Variants in GALNT13 observed in about 807,000 individuals in gnomAD.
The protein encoded by GALNT13 is polypeptide N-acetylgalactosaminyltransferase 13.
In GALNT13, 28 loss-of-function variants were observed where a neutral mutation model predicts 64.2. The ratio of observed to expected loss-of-function variants is 0.44; its 90% CI spans 0.32 to 0.60. The LOEUF is 0.60. Ranked by LOEUF, GALNT13 falls within the 20% of genes least tolerant of loss-of-function variation. GALNT13 has a pLI of 0.05. For missense variants in GALNT13, 577 were observed against 669.8 expected, an observed-to-expected ratio of 0.86 and a Z score of 1.53; for synonymous variants, 214 against 224.6, an observed-to-expected ratio of 0.95 and a Z score of 0.42.
At chr2:154,204,809 G>A (rs1033493334) in intron 4 of GALNT13, among the ~76,000 whole-genome samples, 2 of 152,064 alleles carry the variant, frequency 1.3e-5, no homozygotes, top group African/African-American at 2.4e-5. Flanking sequence ...CCATGCCTTC[G>A]CCAGTACTAG....
intron 9 of GALNT13, among the ~76,000 whole-genome samples, chr2:154,347,667 G>C (rs943115894): frequency 6.6e-6 from 1 of 152,172 alleles, no homozygotes; most frequent in Non-Finnish European, 1.5e-5. Flanking sequence ...AACTTGAAAT[G>C]ATGGACAAAG....
intron 3 of GALNT13, among the ~76,000 whole-genome samples, chr2:154,039,874 GC>G (rs1477089342): frequency 7.1e-6 from 1 of 140,008 alleles, no homozygotes. Context: ...GATATTGTAT[GC>G]TCCATATATA....
chr2:153,099,728 A>G, the GALNT13 span, among the ~76,000 whole-genome samples: 31 of 152,120 alleles, frequency 2.0e-4, no homozygotes, highest in Non-Finnish European at 3.8e-4. Context: ...GTTCTTATGG[A>G]TGTATCTCTT....
At chr2:153,629,577 C>G in the GALNT13 span, among the ~76,000 whole-genome samples, 1 of 152,180 alleles carries the variant, frequency 6.6e-6, no homozygotes, top group Non-Finnish European at 1.5e-5. Flanking sequence ...CCATTCAGGA[C>G]ATAGGCATGG....
chr2:153,142,510 GGTATAACGT>G, the GALNT13 span, among the ~76,000 whole-genome samples: 17 of 151,900 alleles, frequency 1.1e-4, no homozygotes, highest in African/African-American at 4.1e-4. Flanking sequence ...GTTCTACTGT[GGTATAACGT>G]ATATTATCTT....
chr2:154,128,452 G>A (rs1168476768), intron 3 of GALNT13, among the ~76,000 whole-genome samples: 4 of 151,896 alleles, frequency 2.6e-5, no homozygotes, highest in Non-Finnish European at 5.9e-5. Flanking sequence ...TTAGTATCCT[G>A]GTTCTTTTTA....
chr2:153,413,749 A>G, the GALNT13 span, among the ~76,000 whole-genome samples: 5 of 152,192 alleles, frequency 3.3e-5, no homozygotes, highest in Admixed American at 2.6e-4. Context: ...GTTTGTAGAA[A>G]AAGGTCATTT....
rs542247404 is a variant in GALNT13 at position 154,068,525 on chromosome 2, T to G, written c.143-71812T>G. 5.5e-5 allele frequency among the ~76,000 whole-genome samples: 8 copies of G among 145,124 alleles called. No individual in the cohort carries two copies. In the South Asian group the frequency reaches 1.7e-3, roughly 31 times the overall value. On this transcript the variant is annotated intron_variant, in intron 3 of 12. Coordinates refer to ENST00000392825, the MANE Select transcript of GALNT13 (RefSeq NM_052917.4). Reference sequence around the variant, plus strand: ...GGTATATATACACAAAGGAGTAATATTCATCCATAAAAAAAAGAGTGAGAT... The same window carrying G: ...GGTATATATACACAAAGGAGTAATAGTCATCCATAAAAAAAAGAGTGAGAT...
intron 11 of GALNT13, among the ~76,000 whole-genome samples, chr2:154,415,432 T>A (rs980703012): frequency 3.3e-5 from 5 of 152,132 alleles, no homozygotes; most frequent in Non-Finnish European, 7.4e-5. Context: ...AGCCACTCAT[T>A]TGAAGACAGC....
intron 9 of GALNT13, among the ~76,000 whole-genome samples, chr2:154,306,158 T>G (rs1693719174): frequency 6.6e-6 from 1 of 151,988 alleles, no homozygotes; most frequent in Admixed American, 6.6e-5. Context: ...ATTATTATTA[T>G]TATTATTTTA....
At chr2:153,139,931 T>G in the GALNT13 span, among the ~76,000 whole-genome samples, 6 of 152,056 alleles carry the variant, frequency 3.9e-5, no homozygotes, top group Admixed American at 3.9e-4. Context: ...GAAGCTCTCA[T>G]AAATAGGAGT....
the GALNT13 span, among the ~76,000 whole-genome samples, chr2:153,394,097 G>A: frequency 1.5e-4 from 23 of 151,916 alleles, no homozygotes; most frequent in Admixed American, 1.4e-3. Context: ...GTTCCAAGTG[G>A]AAGCTTCAAG....
chr2:154,220,817 T>G (rs1208644363), intron 4 of GALNT13, among the ~76,000 whole-genome samples: 3 of 152,056 alleles, frequency 2.0e-5, no homozygotes, highest in Admixed American at 2.0e-4. Flanking sequence ...AACATTTAAT[T>G]AATGAAAGAT....
chr2:154,095,729 A>G (rs983061820), intron 3 of GALNT13, among the ~76,000 whole-genome samples: 3 of 151,968 alleles, frequency 2.0e-5, no homozygotes, highest in African/African-American at 7.2e-5. Context: ...TTTTATCTGA[A>G]TGAATTTTAG....
chr2:154,256,583 G>T (rs2105897379), intron 7 of GALNT13, among the ~76,000 whole-genome samples: 1 of 151,376 alleles, frequency 6.6e-6, no homozygotes. Context: ...TAGAGAGAGA[G>T]GAGCCCAAAT....
the GALNT13 span, among the ~76,000 whole-genome samples, chr2:153,231,480 A>T: frequency 6.6e-6 from 1 of 152,234 alleles, no homozygotes; most frequent in Non-Finnish European, 1.5e-5. Flanking sequence ...TAAGAGCATA[A>T]TAAAACAGCT....
chr2:153,246,156 A>T, the GALNT13 span, among the ~76,000 whole-genome samples: 16 of 152,182 alleles, frequency 1.1e-4, no homozygotes, highest in African/African-American at 3.6e-4. Flanking sequence ...ATGTGAAAAG[A>T]CTAAACCTAT....
chr2:154,250,621 A>G (rs1414512846), intron 7 of GALNT13, among the ~76,000 whole-genome samples: 1 of 152,130 alleles, frequency 6.6e-6, no homozygotes, highest in African/African-American at 2.4e-5. Context: ...ATTATCACTG[A>G]ATCAATTTAT....
At position 154,333,750 on chromosome 2, in the gene GALNT13, G is replaced by A. The variant is rs542630567; in HGVS notation, c.1156+32161G>A. On this transcript the variant is annotated intron_variant, in intron 9 of 12. Coordinates refer to ENST00000392825, the MANE Select transcript of GALNT13 (RefSeq NM_052917.4). ...TGCACAGCTCTTGCTATTGTAAAGG[G>A]AGTTGGCAGCTTATCCCTCCTCCTA... Among the ~76,000 whole-genome samples, 4 of 152,128 alleles carry A rather than the reference G, an allele frequency of 2.6e-5. No individual in the cohort carries two copies. The South Asian group carries it at 8.3e-4, about 32-fold the overall frequency.
Sources: gnomAD v4.1 joint callset for allele counts (sites outside exome capture counted in the v4.1 genomes callset) on GRCh38, gnomAD v4.1.1 for gene constraint, MANE v1.5 for transcripts, NCBI Gene and HGNC (gene_info 2026-07-23, HGNC 2026-07-21) for gene names.